SSH1: variants seen among roughly 807,000 people sequenced by gnomAD.
SSH1 encodes slingshot protein phosphatase 1, also known as protein phosphatase Slingshot homolog 1.
SSH1 carries 43 observed loss-of-function variants against 79.7 expected under a neutral mutation model. The ratio of observed to expected loss-of-function variants is 0.54; its 90% CI spans 0.42 to 0.70. The LOEUF (loss-of-function observed/expected upper bound fraction) is 0.70, where lower values mean the gene tolerates loss of function less well. Ranked by LOEUF, SSH1 falls within the 30% of genes least tolerant of loss-of-function variation. SSH1 has a pLI of 0.00. For missense variants in SSH1, 1,206 were observed against 1,358.8 expected, an observed-to-expected ratio of 0.89 and a Z score of 1.77; for synonymous variants, 599 against 538.3, an observed-to-expected ratio of 1.11 and a Z score of -1.56.
chr12:108,808,821 CTTTTTTTTTTTTTTT>C (rs148110288), intron 7 of SSH1, among the ~76,000 whole-genome samples: 5 of 80,228 alleles, frequency 6.2e-5, no homozygotes, highest in Non-Finnish European at 7.1e-5. Context: ...TCTTTTACTT[CTTTTTTTTTTTTTTT>C]TTTTTTTTTT....
chr12:108,787,885 T>G lies in SSH1; in HGVS notation c.*103A>C. On this transcript the variant is annotated 3_prime_UTR_variant, in exon 15 of 15. Coordinates refer to ENST00000326495, the MANE Select transcript of SSH1 (RefSeq NM_018984.4). ...GGAAAAGTTAGGATGACTTCACTCG[T>G]TTAAGGGAAATCAAGATGTAAGGGG... is the stretch of plus-strand genomic sequence containing the variant. 1.4e-6 allele frequency: 2 copies of G among 1,459,622 alleles called. No individual in the cohort carries two copies. The highest frequency in any genetic ancestry group is 1.9e-6 in the Non-Finnish European group (2 of 1,053,684). The allele number at this position is 1,459,622 out of a possible 1,614,324, so 90.4% of individuals were successfully genotyped here.
Position 108,823,361 on chromosome 12 carries a change from G to A in SSH1, c.111C>T (p.Ser37=). The A allele has an allele frequency of 6.4e-7, 1 of 1,564,572 alleles. No individual in the cohort carries two copies. The highest frequency in any genetic ancestry group is 1.2e-5 in the South Asian group (1 of 85,170). Residue 37 remains serine (S), a splice_region_variant and synonymous_variant, in exon 3 of 15, where the codon AGC becomes AGT. Coordinates refer to ENST00000326495, the MANE Select transcript of SSH1 (RefSeq NM_018984.4). The part of the protein sequence containing the change: ...GSEEDRKLNL[S]LSESFFMVKG... ...TCACCATGAAAAAGCTCTCACTTAAGCTGGGAAGGATAAGACCAGAGCACA... is the reference window on the plus strand; with the variant it reads ...TCACCATGAAAAAGCTCTCACTTAAACTGGGAAGGATAAGACCAGAGCACA...
At chr12:108,816,201 T>G (rs1170358452) in intron 5 of SSH1, among the ~76,000 whole-genome samples, 1 of 152,156 alleles carries the variant, frequency 6.6e-6, no homozygotes, top group Non-Finnish European at 1.5e-5. Context: ...ACTCTCTCCC[T>G]CCTATCTGGT....
chr12:108,839,915 A>G (rs560631759), intron 2 of SSH1, among the ~76,000 whole-genome samples: 1 of 152,288 alleles, frequency 6.6e-6, no homozygotes, highest in South Asian at 2.1e-4. Context: ...CACTGTACAC[A>G]GAACAAGACT....
At chr12:108,826,877 A>T (rs2038330713) in intron 2 of SSH1, among the ~76,000 whole-genome samples, 1 of 152,182 alleles carries the variant, frequency 6.6e-6, no homozygotes, top group African/African-American at 2.4e-5. Context: ...GCCACCCAGA[A>T]GTCACTCTTC....
chr12:108,814,110 G>T (rs1286256207), intron 5 of SSH1, among the ~76,000 whole-genome samples: 1 of 152,138 alleles, frequency 6.6e-6, no homozygotes, highest in Admixed American at 6.6e-5. Context: ...TGTAATCCCA[G>T]CTACTCAGGA....
At chr12:108,812,140 G>A (rs1172692710) in intron 5 of SSH1, among the ~76,000 whole-genome samples, 1 of 152,214 alleles carries the variant, frequency 6.6e-6, no homozygotes, top group Non-Finnish European at 1.5e-5. Context: ...TATCTGTGGG[G>A]AAGGTTGTTC....
Position 108,840,058 on chromosome 12 carries a change from C to T in SSH1, c.110+12580G>A, listed in dbSNP as rs980356649. Among the ~76,000 whole-genome samples the T allele has an allele frequency of 4.6e-5, 7 of 152,188 alleles. No homozygotes were observed. In the East Asian group the frequency reaches 1.2e-3, roughly 25 times the overall value. On this transcript the variant is annotated intron_variant, in intron 2 of 14. Transcript: ENST00000326495. The stretch of plus-strand genomic sequence containing the variant: ...CGCTCTGACCACACGCAGGCTCTCC[C>T]GGCATGTCCTCATTTATGCGGCAGT...
chr12:108,803,027 T>C (rs751384994), intron 10 of SSH1, among the ~76,000 whole-genome samples: 6 of 151,892 alleles, frequency 4.0e-5, no homozygotes, highest in Non-Finnish European at 7.4e-5. Context: ...GAATATTTAA[T>C]GACACAGGCA....
chr12:108,853,043 G>T (rs1450473207), intron 1 of SSH1: 1 of 985,214 alleles, frequency 1.0e-6, no homozygotes, highest in Admixed American at 6.1e-5. Flanking sequence ...AGGGGAGGGG[G>T]TCATGTTTAA....
chr12:108,849,727 G>A (rs752723273), intron 2 of SSH1, among the ~76,000 whole-genome samples: 1 of 147,398 alleles, frequency 6.8e-6, no homozygotes, highest in Non-Finnish European at 1.5e-5. Context: ...CCCAAAGACA[G>A]TCTAAGTGAC....
chr12:108,849,407 A>AG (rs1354137140), intron 2 of SSH1, among the ~76,000 whole-genome samples: 1 of 152,022 alleles, frequency 6.6e-6, no homozygotes, highest in Non-Finnish European at 1.5e-5. Flanking sequence ...ATTTAAAAAA[A>AG]TTAGCCAGGT....
At chr12:108,856,673 G>A (rs557633706) in intron 1 of SSH1, among the ~76,000 whole-genome samples, 2 of 152,316 alleles carry the variant, frequency 1.3e-5, no homozygotes, top group South Asian at 2.1e-4. Flanking sequence ...GGCAGGCGGG[G>A]AAACAATCTC....
At chr12:108,800,227 C>T (rs147548056) in intron 12 of SSH1, among the ~76,000 whole-genome samples, 1 of 152,228 alleles carries the variant, frequency 6.6e-6, no homozygotes, top group African/African-American at 2.4e-5. Flanking sequence ...AAAATGAGCA[C>T]CAGAGACAGG....
intron 2 of SSH1, among the ~76,000 whole-genome samples, chr12:108,824,174 G>C (rs576786602): frequency 2.0e-5 from 3 of 152,198 alleles, no homozygotes; most frequent in Admixed American, 6.5e-5. Context: ...GAGGGGCCGG[G>C]TGGCTCAAGC....
At chr12:108,808,627 T>A (rs1478917243) in intron 7 of SSH1, among the ~76,000 whole-genome samples, 1 of 152,152 alleles carries the variant, frequency 6.6e-6, no homozygotes, top group Non-Finnish European at 1.5e-5. Flanking sequence ...AACAGAGACA[T>A]CTGCCTGCAT....
chr12:108,822,342 C>A (rs1434130146), intron 3 of SSH1, among the ~76,000 whole-genome samples: 2 of 152,094 alleles, frequency 1.3e-5, no homozygotes, highest in African/African-American at 4.8e-5. Flanking sequence ...CTGTGTTGTT[C>A]GGGTTAGTCT....
rs2036270250 is a variant in SSH1, at chr12:108,786,303, C to T, written c.*1685G>A. On this transcript the variant is annotated 3_prime_UTR_variant, in exon 15 of 15. Coordinates refer to ENST00000326495, the MANE Select transcript of SSH1 (RefSeq NM_018984.4). Reference sequence around the variant, plus strand: ...AGCCAACTGTGTTCACCTGCCTTCCCCCATGTACGCAACCTACTCCATCCT... The same window carrying T: ...AGCCAACTGTGTTCACCTGCCTTCCTCCATGTACGCAACCTACTCCATCCT... 1 of 152,244 alleles carries T rather than the reference C, an allele frequency of 6.6e-6. No homozygotes were observed. The highest frequency in any genetic ancestry group is 1.5e-5 in the Non-Finnish European group (1 of 68,068). The allele number at this position is 152,244 out of a possible 1,614,324, so 9.4% of individuals were successfully genotyped here.
chr12:108,855,054 AAAAT>A (rs2039117532), intron 1 of SSH1, among the ~76,000 whole-genome samples: 1 of 152,228 alleles, frequency 6.6e-6, no homozygotes, highest in East Asian at 1.9e-4. Context: ...GCACTTGGTA[AAAAT>A]AATGCTTTAT....
Sources: gnomAD v4.1 joint callset for allele counts (sites outside exome capture counted in the v4.1 genomes callset) on GRCh38, gnomAD v4.1.1 for gene constraint, MANE v1.5 for transcripts, NCBI Gene and HGNC (gene_info 2026-07-23, HGNC 2026-07-21) for gene names.